Variants in CFAP61 observed in about 807,000 individuals in gnomAD.
The protein encoded by CFAP61 is cilia and flagella associated protein 61.
Under a neutral mutation model 135.6 loss-of-function variants are expected in CFAP61, and 107 were observed. The ratio of observed to expected loss-of-function variants is 0.79; its 90% CI spans 0.67 to 0.93. The LOEUF (loss-of-function observed/expected upper bound fraction) is 0.93, where lower values mean the gene tolerates loss of function less well. Ranked by LOEUF, CFAP61 falls within the 40% of genes least tolerant of loss-of-function variation. CFAP61 has a pLI of 0.00. For missense variants in CFAP61, 1,507 were observed against 1,556.2 expected, an observed-to-expected ratio of 0.97 and a Z score of 0.53; for synonymous variants, 575 against 578.5, an observed-to-expected ratio of 0.99 and a Z score of 0.09.
intron 1 of CFAP61, among the ~76,000 whole-genome samples, chr20:20,054,528 G>T (rs1435120146): frequency 6.6e-6 from 1 of 152,022 alleles, no homozygotes; most frequent in East Asian, 1.9e-4. Flanking sequence ...TTATACATAA[G>T]TCAACTTTCA....
chr20:20,145,154 A>G (rs1216522222), intron 9 of CFAP61, among the ~76,000 whole-genome samples: 1 of 152,192 alleles, frequency 6.6e-6, no homozygotes, highest in East Asian at 1.9e-4. Context: ...CTTAATATTT[A>G]TATCTTTTTA....
At chr20:20,145,773 T>G (rs995659271) in intron 9 of CFAP61, among the ~76,000 whole-genome samples, 1 of 152,164 alleles carries the variant, frequency 6.6e-6, no homozygotes, top group Non-Finnish European at 1.5e-5. Flanking sequence ...CAGAATACTA[T>G]AAGAGATAAC....
intron 8 of CFAP61, among the ~76,000 whole-genome samples, chr20:20,112,284 G>A (rs59380881): frequency 0.024 from 3,724 of 152,128 alleles, 149 homozygotes; most frequent in African/African-American, 0.085. Context: ...ACATCATAGC[G>A]TGGGCATTGA....
At chr20:20,211,336 C>T (rs1248010430) in intron 17 of CFAP61, among the ~76,000 whole-genome samples, 1 of 152,202 alleles carries the variant, frequency 6.6e-6, no homozygotes, top group African/African-American at 2.4e-5. Context: ...GCCCACAGTC[C>T]TCAGTTCTCA....
At chr20:20,254,545 A>C (rs556477315) in intron 20 of CFAP61, among the ~76,000 whole-genome samples, 3 of 152,224 alleles carry the variant, frequency 2.0e-5, no homozygotes, top group African/African-American at 7.2e-5. Flanking sequence ...GAAATGAAGA[A>C]GTGATAAAGG....
At chr20:20,239,005 G>C (rs2049818034) in intron 18 of CFAP61, among the ~76,000 whole-genome samples, 1 of 151,858 alleles carries the variant, frequency 6.6e-6, no homozygotes, top group African/African-American at 2.4e-5. Flanking sequence ...GGAGCTGAGG[G>C]CTCACGGTGA....
At chr20:20,192,458 G>C (rs1006445171) in intron 15 of CFAP61, among the ~76,000 whole-genome samples, 3 of 152,116 alleles carry the variant, frequency 2.0e-5, no homozygotes, top group African/African-American at 7.3e-5. Flanking sequence ...GGAGGGGTCA[G>C]TGATGTCAGG....
chr20:20,339,135 C>T lies in CFAP61; in HGVS notation c.3423-2696C>T, dbSNP rs572148061. Reference sequence around the variant, plus strand: ...TTAAAAAGCACGTTGGAGCCATGTGCATACCTGGCCCTCTCTCCTGAAGAT... The same window carrying T: ...TTAAAAAGCACGTTGGAGCCATGTGTATACCTGGCCCTCTCTCCTGAAGAT... On this transcript the variant is annotated intron_variant, in intron 25 of 26. Coordinates refer to ENST00000245957, the MANE Select transcript of CFAP61 (RefSeq NM_015585.4). 9.8e-5 allele frequency among the ~76,000 whole-genome samples: 15 copies of T among 152,338 alleles called. No individual in the cohort carries two copies. In the South Asian group the frequency reaches 3.1e-3, roughly 32 times the overall value.
chr20:20,174,117 G>A (rs1601168434), intron 13 of CFAP61, among the ~76,000 whole-genome samples: 1 of 152,130 alleles, frequency 6.6e-6, no homozygotes, highest in African/African-American at 2.4e-5. Flanking sequence ...TAAAATTGGA[G>A]CACATGATGT....
At chr20:20,067,694 T>C (rs2045386674) in intron 2 of CFAP61, among the ~76,000 whole-genome samples, 1 of 145,442 alleles carries the variant, frequency 6.9e-6, no homozygotes. Flanking sequence ...TATAATTTTT[T>C]TATATATTCA....
intron 26 of CFAP61, among the ~76,000 whole-genome samples, chr20:20,352,268 C>A (rs765635144): frequency 1.3e-5 from 2 of 152,168 alleles, no homozygotes. Context: ...ATCATGAGAA[C>A]AGCATAGTTC....
At chr20:20,087,838 G>A (rs1031782897) in intron 6 of CFAP61, among the ~76,000 whole-genome samples, 3 of 151,824 alleles carry the variant, frequency 2.0e-5, no homozygotes, top group Admixed American at 6.6e-5. Flanking sequence ...TGGCTCCCCC[G>A]CTCAGGCTGT....
intron 11 of CFAP61, among the ~76,000 whole-genome samples, chr20:20,165,672 TG>T (rs1359555244): frequency 1.3e-5 from 2 of 152,130 alleles, no homozygotes; most frequent in African/African-American, 4.8e-5. Flanking sequence ...CCCATTTTGA[TG>T]GAGTGGAAGG....
intron 3 of CFAP61, chr20:20,074,008 C>A: frequency 2.5e-6 from 1 of 399,010 alleles, no homozygotes. Context: ...CACTCCCCTG[C>A]AGGCTCTCCC....
At chr20:20,158,349 G>GA (rs58068878) in intron 9 of CFAP61, among the ~76,000 whole-genome samples, 150 of 101,774 alleles carry the variant, frequency 1.5e-3, no homozygotes, top group African/African-American at 4.3e-3. Context: ...GTGGACCTTT[G>GA]AAAAAAAAAA....
At chr20:20,113,590 C>A (rs945506215) in intron 8 of CFAP61, among the ~76,000 whole-genome samples, 1 of 152,154 alleles carries the variant, frequency 6.6e-6, no homozygotes, top group Non-Finnish European at 1.5e-5. Context: ...CAACTTTACT[C>A]AAGTCTCCTG....
chr20:20,079,457 G>A (rs949766988), intron 6 of CFAP61, among the ~76,000 whole-genome samples: 2 of 151,958 alleles, frequency 1.3e-5, no homozygotes, highest in African/African-American at 4.8e-5. Flanking sequence ...TTTTGCTGGA[G>A]AAAGTCACTG....
At position 20,169,409 on chromosome 20, in the gene CFAP61, C is replaced by G; in HGVS notation, c.1334C>G (p.Thr445Ser). 3 of 1,614,048 alleles carry G rather than the reference C, an allele frequency of 1.9e-6. No individual in the cohort carries two copies. Among genetic ancestry groups the G allele is most frequent in the Non-Finnish European group, 2.5e-6 (3 of 1,179,962 alleles). Residue 445 changes from threonine (T) to serine (S), a missense_variant, in exon 13 of 27, where the codon ACC becomes AGC. Coordinates refer to ENST00000245957, the MANE Select transcript of CFAP61 (RefSeq NM_015585.4). ...QNFVKMVPFN[T>S]CTLEQDLYVF... ...TTCGTGAAAATGGTCCCTTTCAACA[C>G]CTGCACCCTCGAGCAGGACCTCTAC...
At chr20:20,293,111 G>A (rs184035685) in intron 24 of CFAP61, among the ~76,000 whole-genome samples, 71 of 152,304 alleles carry the variant, frequency 4.7e-4, no homozygotes, top group Admixed American at 3.8e-3. Flanking sequence ...TAAATAACTC[G>A]AGTCTAATAT....
Sources: allele counts gnomAD v4.1 joint callset (sites outside exome capture counted in the v4.1 genomes callset), GRCh38; gene constraint gnomAD v4.1.1; transcripts MANE v1.5; gene names NCBI Gene and HGNC (gene_info 2026-07-23, HGNC 2026-07-21).